ZDHHC14: variants seen among roughly 807,000 people sequenced by gnomAD.
ZDHHC14 encodes the protein palmitoyltransferase ZDHHC14.
ZDHHC14 carries 16 observed loss-of-function variants against 47.7 expected under a neutral mutation model. The ratio of observed to expected loss-of-function variants is 0.34; its 90% CI spans 0.23 to 0.51. The LOEUF (loss-of-function observed/expected upper bound fraction) is 0.51. ZDHHC14 is among the 20% of genes least tolerant of loss of function. ZDHHC14 has a pLI of 0.97. For missense variants in ZDHHC14, 515 were observed against 662.5 expected (o/e 0.78, Z 2.44); for synonymous variants, 293 against 278.9 (o/e 1.05, Z -0.50).
chr6:157,428,405 A>ATT (rs1562421315), intron 1 of ZDHHC14, among the ~76,000 whole-genome samples: 248 of 152,302 alleles, frequency 1.6e-3, no homozygotes, highest in African/African-American at 5.7e-3. Flanking sequence ...CTGTGAAAAG[A>ATT]TAAGCTTTAA....
chr6:157,649,267 C>A (rs1305618861), intron 7 of ZDHHC14, among the ~76,000 whole-genome samples: 1 of 152,236 alleles, frequency 6.6e-6, no homozygotes, highest in East Asian at 1.9e-4. Context: ...TGTGGGGCAG[C>A]ACTGAAGGGG....
At chr6:157,578,804 T>C (rs938673860) in intron 2 of ZDHHC14, among the ~76,000 whole-genome samples, 13 of 152,338 alleles carry the variant, frequency 8.5e-5, no homozygotes, top group African/African-American at 3.1e-4. Context: ...CCTTCCACCA[T>C]GATTGTAAAT....
chr6:157,468,336 A>ACATTC (rs1264280795), intron 1 of ZDHHC14, among the ~76,000 whole-genome samples: 2 of 152,234 alleles, frequency 1.3e-5, no homozygotes, highest in Non-Finnish European at 2.9e-5. Context: ...ACAGCACTGC[A>ACATTC]CATTCTCAAA....
chr6:157,445,018 G>C (rs1489682509), intron 1 of ZDHHC14, among the ~76,000 whole-genome samples: 2 of 151,728 alleles, frequency 1.3e-5, no homozygotes, highest in African/African-American at 4.8e-5. Context: ...CAGCAATTCT[G>C]ACCATGTAGA....
At chr6:157,637,495 G>A (rs554946182) in intron 5 of ZDHHC14, among the ~76,000 whole-genome samples, 1 of 152,250 alleles carries the variant, frequency 6.6e-6, no homozygotes, top group Non-Finnish European at 1.5e-5. Flanking sequence ...GTTTGATCTG[G>A]GGCACACTCA....
At chr6:157,645,637 G>A in intron 5 of ZDHHC14, 100 bp from the exon 6 acceptor site, 3 of 870,410 alleles carry the variant, frequency 3.4e-6, no homozygotes, top group Non-Finnish European at 3.6e-6. Context: ...CCAGCAACTA[G>A]AGAGAGGCCT....
intron 8 of ZDHHC14, among the ~76,000 whole-genome samples, chr6:157,671,309 C>A: frequency 6.6e-6 from 1 of 152,198 alleles, no homozygotes; most frequent in East Asian, 1.9e-4. Context: ...ATCGAGCTGT[C>A]CAACCCATCT....
chr6:157,552,724 T>C (rs1289234373), intron 2 of ZDHHC14, among the ~76,000 whole-genome samples: 1 of 152,144 alleles, frequency 6.6e-6, no homozygotes, highest in Non-Finnish European at 1.5e-5. Flanking sequence ...CAGAGGCTGC[T>C]GCCTCAGAAG....
chr6:157,381,964 G>A lies in ZDHHC14; in HGVS notation c.-58G>A, dbSNP rs1259860312. 1 of 1,038,982 alleles carries A rather than the reference G, an allele frequency of 9.6e-7. No individual in the cohort carries two copies. The highest frequency in any genetic ancestry group is 1.2e-6 in the Non-Finnish European group (1 of 864,482). The allele number at this position is 1,038,982 out of a possible 1,614,324, so 64.4% of individuals were successfully genotyped here. On this transcript the variant is annotated 5_prime_UTR_variant, in exon 1 of 9. Coordinates refer to ENST00000359775, the MANE Select transcript of ZDHHC14 (RefSeq NM_024630.3). ...GCCGGCGGCGGTCGTGGCTCGGCGG[G>A]GCCCGCGCGGCCGGGGGGCTCCTGG...
chr6:157,476,886 A>G (rs1779497709), intron 1 of ZDHHC14, among the ~76,000 whole-genome samples: 2 of 152,200 alleles, frequency 1.3e-5, no homozygotes, highest in African/African-American at 4.8e-5. Context: ...AATTAGGTGT[A>G]GAAGGAATGT....
rs146612753 is a variant in ZDHHC14, at chr6:157,492,346, C to G, written c.246-50239C>G. ...ACCTTGCCCTTCTTTACTCCAAAGA[C>G]CTCAGGGCATTTCGCTGCCTGCCCG... On this transcript the variant is annotated intron_variant, in intron 1 of 8. Transcript: ENST00000359775. Among the ~76,000 whole-genome samples, 838 of 152,298 alleles carry G rather than the reference C, an allele frequency of 5.5e-3. 5 individuals carry two copies. Among genetic ancestry groups the G allele is most frequent in the African/African-American group, 0.02 (811 of 41,552 alleles).
chr6:157,496,378 C>T (rs534365342), intron 1 of ZDHHC14, among the ~76,000 whole-genome samples: 1 of 152,062 alleles, frequency 6.6e-6, no homozygotes, highest in African/African-American at 2.4e-5. Context: ...GTTAACCCCC[C>T]CCATGCTATT....
At chr6:157,464,214 G>A (rs1583669049) in intron 1 of ZDHHC14, among the ~76,000 whole-genome samples, 1 of 152,118 alleles carries the variant, frequency 6.6e-6, no homozygotes, top group African/African-American at 2.4e-5. Flanking sequence ...GAGGTTGGAT[G>A]GAATTGCTTC....
At chr6:157,389,071 A>G (rs1014309936) in intron 1 of ZDHHC14, among the ~76,000 whole-genome samples, 5 of 152,146 alleles carry the variant, frequency 3.3e-5, no homozygotes, top group Non-Finnish European at 7.4e-5. Flanking sequence ...AAATGCTAAC[A>G]TTGATTTAAT....
chr6:157,397,649 C>G (rs1157088559), intron 1 of ZDHHC14, among the ~76,000 whole-genome samples: 2 of 152,190 alleles, frequency 1.3e-5, no homozygotes, highest in East Asian at 3.8e-4. Context: ...TGCAGAGTCC[C>G]TTTGGCACTA....
chr6:157,641,244 C>G (rs1489484841), intron 5 of ZDHHC14, among the ~76,000 whole-genome samples: 4 of 152,066 alleles, frequency 2.6e-5, no homozygotes, highest in Non-Finnish European at 5.9e-5. Flanking sequence ...TACTGTGTCT[C>G]TAGGGTTGAC....
intron 1 of ZDHHC14, among the ~76,000 whole-genome samples, chr6:157,481,625 C>T (rs987885451): frequency 6.6e-6 from 1 of 152,200 alleles, no homozygotes; most frequent in African/African-American, 2.4e-5. Flanking sequence ...CTGCCAAAAC[C>T]CTACCACTTC....
At chr6:157,597,194 C>T (rs1370817610) in intron 3 of ZDHHC14, among the ~76,000 whole-genome samples, 8 of 152,324 alleles carry the variant, frequency 5.3e-5, no homozygotes, top group East Asian at 1.9e-4. Flanking sequence ...CAGGGAGCCA[C>T]CTCTTCTCTC....
intron 2 of ZDHHC14, among the ~76,000 whole-genome samples, chr6:157,561,182 G>A (rs1482014091): frequency 1.3e-5 from 2 of 152,144 alleles, no homozygotes; most frequent in African/African-American, 2.4e-5. Flanking sequence ...ACCTGAGAAC[G>A]ACATTCACTC....
Sources: allele counts gnomAD v4.1 joint callset (sites outside exome capture counted in the v4.1 genomes callset), GRCh38; gene constraint gnomAD v4.1.1; transcripts MANE v1.5; gene names NCBI Gene and HGNC (gene_info 2026-07-23, HGNC 2026-07-21).